Variants in MYO19 observed in about 807,000 individuals in gnomAD.
The protein encoded by MYO19 is myosin XIX.
A neutral mutation model predicts 129.2 loss-of-function variants in MYO19; 132 were observed. That is an observed-to-expected ratio of 1.02 (90% confidence interval 0.89 to 1.18). The LOEUF (loss-of-function observed/expected upper bound fraction) is 1.18, where lower values mean the gene tolerates loss of function less well. Among genes scored for constraint, MYO19 ranks in the 50% most tolerant of loss-of-function variants. The pLI is 0.00. For missense variants in MYO19, 1,210 were observed against 1,216.7 expected, an observed-to-expected ratio of 0.99 and a Z score of 0.08; for synonymous variants, 531 against 477.2, an observed-to-expected ratio of 1.11 and a Z score of -1.47.
chr17:36,505,209 T>C (rs946194687), intron 19 of MYO19, 88 bp downstream of exon 19: 1 of 1,192,506 alleles, frequency 8.4e-7, no homozygotes, highest in African/African-American at 1.5e-5. Flanking sequence ...GTGCACTCCA[T>C]TTGGAACAGA....
rs367752659 is a variant in MYO19, at chr17:36,527,545, C to A, written c.300+6G>T. 266 of 1,612,656 alleles carry A rather than the reference C, an allele frequency of 1.6e-4. 1 individual carries two copies. The highest frequency in any genetic ancestry group is 2.1e-4 in the Non-Finnish European group (244 of 1,179,244). ...CCTGAGGCCACAGGCAGCGGCAGAG[C>A]CTTACCTGGGGCTGAGGCGCAGCAT... On this transcript the variant is annotated splice_donor_region_variant and intron_variant, in intron 5 of 25. Coordinates refer to ENST00000614623, the MANE Select transcript of MYO19 (RefSeq NM_001163735.2).
chr17:36,496,613 C>CT (rs1198991507), intron 25 of MYO19, among the ~76,000 whole-genome samples: 6 of 152,194 alleles, frequency 3.9e-5, no homozygotes, highest in Non-Finnish European at 8.8e-5. Context: ...AGAGGAATGT[C>CT]TGTCACATTC....
intron 11 of MYO19, chr17:36,512,570 A>ACC: frequency 8.2e-7 from 1 of 1,217,254 alleles, no homozygotes; most frequent in South Asian, 1.4e-5. Context: ...GGTCATGCCC[A>ACC]CCCCCAAAGC....
intron 6 of MYO19, 81 bp from the exon 7 acceptor site, chr17:36,516,071 A>G: frequency 6.9e-7 from 1 of 1,453,288 alleles, no homozygotes; most frequent in Non-Finnish European, 9.2e-7. Flanking sequence ...AGTGCCCACC[A>G]GAGCTCTCTT....
At chr17:36,506,684 C>A in intron 17 of MYO19, 76 bp from the exon 18 acceptor site, 1 of 1,472,082 alleles carries the variant, frequency 6.8e-7, no homozygotes. Context: ...CCACCCAAGC[C>A]GCAGATGACG....
chr17:36,525,170 G>A (rs898540997), intron 6 of MYO19, 58 bp downstream of exon 6: 3 of 1,289,164 alleles, frequency 2.3e-6, no homozygotes, highest in African/African-American at 2.9e-5. Context: ...AATGACCCCT[G>A]CCTCCCTGTC....
chr17:36,512,621 C>T, intron 11 of MYO19: 2 of 1,286,630 alleles, frequency 1.6e-6, no homozygotes, highest in Non-Finnish European at 2.0e-6. Flanking sequence ...TTATCCTGGG[C>T]TTGTCCCCAG....
upstream of MYO19, chr17:36,538,622 A>G (rs2074176620): frequency 2.5e-6 from 4 of 1,570,542 alleles, no homozygotes; most frequent in Non-Finnish European, 3.5e-6. Flanking sequence ...GGTGATCAGC[A>G]GGAGTAGGAT....
At chr17:36,531,245 A>G (rs2073817388) in intron 3 of MYO19, among the ~76,000 whole-genome samples, 1 of 151,824 alleles carries the variant, frequency 6.6e-6, no homozygotes, top group Admixed American at 6.6e-5. Flanking sequence ...AATACAAAAA[A>G]TTAGCCAGGC....
At chr17:36,522,224 G>A (rs1234311169) in intron 6 of MYO19, among the ~76,000 whole-genome samples, 1 of 151,578 alleles carries the variant, frequency 6.6e-6, no homozygotes, top group African/African-American at 2.4e-5. Context: ...AAAGAATATG[G>A]TTTGGCCGGG....
chr17:36,505,330 G>A lies in MYO19; in HGVS notation c.1872C>T (p.Ser624=), dbSNP rs868559839. 6 of 1,614,124 alleles carry A rather than the reference G, an allele frequency of 3.7e-6. No individual in the cohort carries two copies. The Admixed American group carries it at 8.3e-5, about 22-fold the overall frequency. The change falls in exon 19 of 26, where the codon AGC becomes AGT. Residue 624 remains serine (S), a synonymous_variant. Coordinates refer to ENST00000614623, the MANE Select transcript of MYO19 (RefSeq NM_001163735.2). ...GGAGAAAGGTCTGCGCCTGGCCCTG[G>A]CTGTTGGGCTTGATGCAGCGAATGT... The part of the protein sequence containing the change: ...PHYIRCIKPN[S]QGQAQTFLQE...
At chr17:36,528,502 C>A (rs989485488) in intron 3 of MYO19, among the ~76,000 whole-genome samples, 2 of 148,222 alleles carry the variant, frequency 1.3e-5, no homozygotes, top group African/African-American at 5.2e-5. Context: ...CAGAGCAAGA[C>A]TCTGTCTCAA....
Position 36,514,454 on chromosome 17 carries a change from A to G in MYO19, c.712T>C (p.Phe238Leu). The change falls in exon 9 of 26, where the codon TTC becomes CTC. Residue 238 changes from phenylalanine (F) to leucine (L), a missense_variant. Transcript: ENST00000614623. Reference sequence around the variant, plus strand: ...CCCCATTTGGCACAAACCTGATAGAAGATGTGGAAGTTCCTCTCACTGGAA... The same window carrying G: ...CCCCATTTGGCACAAACCTGATAGAGGATGTGGAAGTTCCTCTCACTGGAA... Reference protein sequence around the residue: ...QASSERNFHIFYQICKGASED... With the variant: ...QASSERNFHILYQICKGASED... 1 of 1,610,710 alleles carries G rather than the reference A, an allele frequency of 6.2e-7. No homozygotes were observed. The highest frequency in any genetic ancestry group is 8.5e-7 in the Non-Finnish European group (1 of 1,176,924).
At chr17:36,506,359 C>T in intron 18 of MYO19, 97 bp downstream of exon 18, 3 of 1,517,382 alleles carry the variant, frequency 2.0e-6, no homozygotes, top group South Asian at 2.3e-5. Flanking sequence ...TGCCACTGCT[C>T]CCCAACAAAC....
At position 36,505,295 on chromosome 17, in the gene MYO19, A is replaced by C. The variant is rs778527014; in HGVS notation, c.1905+2T>G. The C allele has an allele frequency of 6.2e-6, 10 of 1,613,570 alleles. No homozygotes were observed. In the African/African-American group the frequency reaches 8.0e-5, roughly 13 times the overall value. ...AAGCAGCTTTGGCCCGGTGTTAATTACCTCCTCTTGGAGAAAGGTCTGCGC... is the reference window on the plus strand; with the variant it reads ...AAGCAGCTTTGGCCCGGTGTTAATTCCCTCCTCTTGGAGAAAGGTCTGCGC... On this transcript the variant is annotated splice_donor_variant, in intron 19 of 25. Coordinates refer to ENST00000614623, the MANE Select transcript of MYO19 (RefSeq NM_001163735.2). LOFTEE classifies it high-confidence loss of function.
At chr17:36,502,848 A>T (rs1324149890) in intron 21 of MYO19, 1 of 559,510 alleles carries the variant, frequency 1.8e-6, no homozygotes, top group Non-Finnish European at 3.2e-6. Flanking sequence ...ATTCTCAGAT[A>T]CTACCTCTTC....
chr17:36,513,808 AGAG>A (rs759134170), intron 9 of MYO19, 83 bp from the exon 10 acceptor site: 2 of 1,236,636 alleles, frequency 1.6e-6, no homozygotes, highest in African/African-American at 1.5e-5. Flanking sequence ...GGTTGGGATA[AGAG>A]GAGAGTTGGT....
At chr17:36,499,664 C>CTTTTTTCTTTTTTTTTTTTTTTTTT (rs2071346235) in intron 23 of MYO19, 1 of 62,630 alleles carries the variant, frequency 1.6e-5, no homozygotes, top group Non-Finnish European at 3.0e-5. Context: ...CTTTTTGTTT[C>CTTTTTTCTTTTTTTTTTTTTTTTTT]TTTTTTTTTT....
rs866815133 is a variant in MYO19 at position 36,533,961 on chromosome 17, G to C, written c.-152C>G. The C allele has an allele frequency of 1.3e-5, 2 of 152,244 alleles. No individual in the cohort carries two copies. The highest frequency in any genetic ancestry group is 4.8e-5 in the African/African-American group (2 of 41,448). 9.4% of individuals were successfully genotyped at this position (152,244 alleles called of 1,614,324 possible). A position where few individuals can be genotyped will look rare whatever the true frequency, so the allele number is the denominator to read the frequency against. On this transcript the variant is annotated 5_prime_UTR_variant, in exon 2 of 26. Coordinates refer to ENST00000614623, the MANE Select transcript of MYO19 (RefSeq NM_001163735.2). ...GTTAAAGGGGCTAATACCTGTGAAA[G>C]CGCTCTGCAAATGTTATTACGATGC... is the stretch of plus-strand genomic sequence containing the variant.
Sources: allele counts gnomAD v4.1 joint callset (sites outside exome capture counted in the v4.1 genomes callset), GRCh38; gene constraint gnomAD v4.1.1; transcripts MANE v1.5; gene names NCBI Gene and HGNC (gene_info 2026-07-23, HGNC 2026-07-21).